Variants in NOL10 observed in about 807,000 individuals in gnomAD.
NOL10 encodes the protein nucleolar protein 10, also known as H_NH0074G24.1.
Under a neutral mutation model 103.5 loss-of-function variants are expected in NOL10, and 58 were observed. That is an observed-to-expected ratio of 0.56 (90% CI 0.45 to 0.70). The LOEUF is 0.70. Among genes scored for constraint, NOL10 ranks in the 30% least tolerant of loss-of-function variants. The pLI, the probability that NOL10 is intolerant of heterozygous loss-of-function variation, is 0.00. For missense variants in NOL10, 763 were observed against 807.3 expected (o/e 0.95, Z 0.67); for synonymous variants, 287 against 282.5 (o/e 1.02, Z -0.16).
At chr2:10,611,522 G>A (rs201222247) in intron 13 of NOL10, among the ~76,000 whole-genome samples, 1 of 152,214 alleles carries the variant, frequency 6.6e-6, no homozygotes, top group Admixed American at 6.5e-5. Flanking sequence ...AATGGCTCAC[G>A]CCTAATCTCA....
chr2:10,678,674 T>A (rs1338766155), intron 3 of NOL10, among the ~76,000 whole-genome samples: 1 of 152,126 alleles, frequency 6.6e-6, no homozygotes, highest in Non-Finnish European at 1.5e-5. Flanking sequence ...CCAATCTTAC[T>A]CAACTTTTTA....
intron 19 of NOL10, among the ~76,000 whole-genome samples, chr2:10,584,070 G>A (rs572699783): frequency 1.2e-3 from 185 of 152,220 alleles, no homozygotes; most frequent in African/African-American, 4.2e-3. Context: ...CCAACCCTTC[G>A]CATGGCCTGC....
chr2:10,596,536 C>T (rs1015787018), intron 17 of NOL10, among the ~76,000 whole-genome samples: 1 of 152,110 alleles, frequency 6.6e-6, no homozygotes, highest in Non-Finnish European at 1.5e-5. Context: ...AGGGTTCATG[C>T]TCCTATGAGA....
rs1558270811 is a variant in NOL10, at chr2:10,587,230, T to TACATATATATATATACAC, written c.1844+1812_1844+1813insGTGTATATATATATATGT. 1.3e-4 allele frequency among the ~76,000 whole-genome samples: 5 copies of TACATATATATATATACAC among 37,418 alleles called. 1 individual carries two copies. The East Asian group carries it at 2.4e-3, about 18-fold the overall frequency. The allele number at this position is 37,418 out of a possible 152,430, so 24.5% of individuals were successfully genotyped here. A position where few individuals can be genotyped will look rare whatever the true frequency, so the allele number is the denominator to read the frequency against. On this transcript the variant is annotated intron_variant, in intron 19 of 20. Coordinates refer to ENST00000381685, the MANE Select transcript of NOL10 (RefSeq NM_024894.4). The stretch of plus-strand genomic sequence containing the variant: ...ACATATATATATACATATATATACA[T>TACATATATATATATACAC]ATATATATACATACATATATATATA...
intron 6 of NOL10, among the ~76,000 whole-genome samples, chr2:10,670,565 C>T (rs1680864254): frequency 1.3e-5 from 2 of 151,874 alleles, no homozygotes; most frequent in South Asian, 2.1e-4. Context: ...TGAAACATCG[C>T]CTCTACTAAA....
At chr2:10,673,137 A>C (rs879338143) in intron 5 of NOL10, among the ~76,000 whole-genome samples, 12 of 152,240 alleles carry the variant, frequency 7.9e-5, no homozygotes, top group Admixed American at 3.9e-4. Flanking sequence ...GCTAGTTTAC[A>C]TTTCACATAT....
Position 10,653,089 on chromosome 2 carries a change from A to C in NOL10, c.973+1392T>G, listed in dbSNP as rs536649962. Among the ~76,000 whole-genome samples the C allele has an allele frequency of 3.7e-3, 564 of 151,642 alleles. 1 individual carries two copies. The highest frequency in any genetic ancestry group is 6.2e-3 in the Non-Finnish European group (420 of 67,890). On this transcript the variant is annotated intron_variant, in intron 12 of 20. Transcript: ENST00000381685. ...TGCGTGCCTGTAGTCCCATCTACTC[A>C]GGAGGCTGAGGCATGAGAATCGCTT...
chr2:10,630,414 C>T (rs374554226), intron 13 of NOL10, among the ~76,000 whole-genome samples: 140 of 152,238 alleles, frequency 9.2e-4, no homozygotes, highest in African/African-American at 3.3e-3. Flanking sequence ...GCCATTTGAC[C>T]TTAAACAATA....
rs755869533 is a variant in NOL10 at position 10,682,004 on chromosome 2, C to T, written c.178G>A (p.Val60Met). The change falls in exon 3 of 21, where the codon GTG (valine) becomes ATG (methionine). Residue 60 changes from valine (V) to methionine (M), a missense_variant. By Grantham distance (21) the Val-to-Met change is conservative (BLOSUM62 1). Transcript: ENST00000381685. ...AAAATGTACTGTCCATCTTTTGACA[C>T]CTTAATAGTGGTACACACAGTAGGC... ...EMPTVCTTIK[V>M]SKDGQYILAT... 1 of 1,515,986 alleles carries T rather than the reference C, an allele frequency of 6.6e-7. No homozygotes were observed. The highest frequency in any genetic ancestry group is 2.0e-5 in the Admixed American group (1 of 50,338). 93.9% of individuals were successfully genotyped at this position (1,515,986 alleles called of 1,614,324 possible).
At chr2:10,632,772 C>A (rs1677929948) in intron 13 of NOL10, among the ~76,000 whole-genome samples, 1 of 151,842 alleles carries the variant, frequency 6.6e-6, no homozygotes, top group African/African-American at 2.4e-5. Context: ...TAACCATGGG[C>A]CTGGTTCCCT....
intron 13 of NOL10, among the ~76,000 whole-genome samples, chr2:10,640,219 GC>G (rs1380427106): frequency 6.6e-6 from 1 of 152,170 alleles, no homozygotes; most frequent in Non-Finnish European, 1.5e-5. Context: ...GAACCTTCCT[GC>G]CAAACGTCAA....
In NOL10 at chr2:10,642,876, G is replaced by A. The variant is rs549861693; in HGVS notation, c.1026+1444C>T. 8.5e-5 allele frequency among the ~76,000 whole-genome samples: 13 copies of A among 152,210 alleles called. 1 individual carries two copies. In the East Asian group the frequency reaches 2.3e-3, roughly 27 times the overall value. On this transcript the variant is annotated intron_variant, in intron 13 of 20. Coordinates refer to ENST00000381685, the MANE Select transcript of NOL10 (RefSeq NM_024894.4). ...TACGTGCTCCCACCACAGTACCCTGGTAGCACTCCTCACACTGAATGGCAA... is the reference window on the plus strand; with the variant it reads ...TACGTGCTCCCACCACAGTACCCTGATAGCACTCCTCACACTGAATGGCAA...
intron 17 of NOL10, among the ~76,000 whole-genome samples, chr2:10,597,493 AGTC>A (rs756793290): frequency 3.3e-5 from 5 of 152,256 alleles, no homozygotes; most frequent in Non-Finnish European, 7.3e-5. Flanking sequence ...TCTTTCAAGT[AGTC>A]TTTTAAATTA....
At chr2:10,685,626 T>G (rs903015919) in intron 1 of NOL10, among the ~76,000 whole-genome samples, 1 of 151,964 alleles carries the variant, frequency 6.6e-6, no homozygotes, top group African/African-American at 2.4e-5. Context: ...TAGGTCAAAT[T>G]GTGTGAATAA....
chr2:10,642,808 T>C (rs1678797726), intron 13 of NOL10, among the ~76,000 whole-genome samples: 2 of 152,062 alleles, frequency 1.3e-5, no homozygotes, highest in Non-Finnish European at 2.9e-5. Context: ...CCAACCACAC[T>C]TCTCATCAGC....
chr2:10,589,206 C>T lies in NOL10; in HGVS notation c.1681G>A (p.Val561Ile). The change falls in exon 19 of 21, where the codon GTC (valine) becomes ATC (isoleucine). Residue 561 changes from valine to isoleucine, a missense_variant. Val to Ile is a conservative substitution (Grantham distance 29, BLOSUM62 3). Transcript: ENST00000381685. ...SDDEKAWVEE[V>I]RKQRRLLQQE... ...TGGAGGAGTCTGCGTTGCTTCCTGA[C>T]CTCTTCAACCCAGGCTTTTTCATCA... 1.9e-6 allele frequency: 3 copies of T among 1,613,986 alleles called. No homozygotes were observed. The highest frequency in any genetic ancestry group is 2.5e-6 in the Non-Finnish European group (3 of 1,179,890).
chr2:10,686,353 T>C (rs948524483), intron 1 of NOL10, among the ~76,000 whole-genome samples: 5 of 151,038 alleles, frequency 3.3e-5, no homozygotes, highest in Non-Finnish European at 7.4e-5. Flanking sequence ...ACGGCAGGAG[T>C]GTGCCTGGTC....
Position 10,653,773 on chromosome 2 carries a change from C to T in NOL10, c.973+708G>A, listed in dbSNP as rs1046687351. ...AATCTCACTCGGCACTCCAGCTCAA[C>T]GCAAAGCAAAATCTTCTCACTGCTC... On this transcript the variant is annotated intron_variant, in intron 12 of 20. Coordinates refer to ENST00000381685, the MANE Select transcript of NOL10 (RefSeq NM_024894.4). 3.9e-5 allele frequency among the ~76,000 whole-genome samples: 6 copies of T among 152,158 alleles called. No homozygotes were observed. In the South Asian group the frequency reaches 6.2e-4, roughly 16 times the overall value.
rs142531336 is a variant in NOL10, at chr2:10,650,969, C to T, written c.973+3512G>A. Among the ~76,000 whole-genome samples the T allele has an allele frequency of 9.1e-4, 138 of 152,218 alleles. 2 individuals are homozygous for T. In the East Asian group the frequency reaches 0.018, roughly 20 times the overall value. ...AGTGGTGGCATTTCAAGAATGGGTT[C>T]CTCAACAGTCTGAGCCTGAGTATTT... On this transcript the variant is annotated intron_variant, in intron 12 of 20. Transcript: ENST00000381685.
Sources: allele counts gnomAD v4.1 joint callset (sites outside exome capture counted in the v4.1 genomes callset), GRCh38; gene constraint gnomAD v4.1.1; transcripts MANE v1.5; gene names NCBI Gene and HGNC (gene_info 2026-07-23, HGNC 2026-07-21).